Variants in RERE observed in about 807,000 individuals in gnomAD.
RERE encodes the protein arginine-glutamic acid dipeptide repeats protein.
Under a neutral mutation model 146.1 loss-of-function variants are expected in RERE, and 40 were observed. The ratio of observed to expected loss-of-function variants is 0.27; its 90% confidence interval spans 0.21 to 0.36. The LOEUF (loss-of-function observed/expected upper bound fraction) is 0.36, where lower values mean the gene tolerates loss of function less well. Among genes scored for constraint, RERE ranks in the 10% least tolerant of loss-of-function variants. The pLI is 1.00. For missense variants in RERE, 1,933 were observed against 2,138.7 expected, an observed-to-expected ratio of 0.90 and a Z score of 1.90; for synonymous variants, 1,003 against 866.0, an observed-to-expected ratio of 1.16 and a Z score of -2.78.
At chr1:8,636,191 T>C (rs1318547672) in intron 2 of RERE, among the ~76,000 whole-genome samples, 1 of 152,220 alleles carries the variant, frequency 6.6e-6, no homozygotes, top group Non-Finnish European at 1.5e-5. Flanking sequence ...TTTCACCTTG[T>C]TGGTCAGGCA....
chr1:8,517,833 C>G (rs1322913827), intron 7 of RERE, among the ~76,000 whole-genome samples: 1 of 152,106 alleles, frequency 6.6e-6, no homozygotes, highest in Non-Finnish European at 1.5e-5. Context: ...TAACCTGTTA[C>G]CATGGAAACG....
chr1:8,693,290 C>T (rs979326395), intron 1 of RERE, among the ~76,000 whole-genome samples: 1 of 152,200 alleles, frequency 6.6e-6, no homozygotes, highest in East Asian at 1.9e-4. Flanking sequence ...AAAAACTGCA[C>T]ACAGATGCTT....
At chr1:8,644,977 C>T (rs1181265722) in intron 2 of RERE, among the ~76,000 whole-genome samples, 1 of 152,106 alleles carries the variant, frequency 6.6e-6, no homozygotes, top group Non-Finnish European at 1.5e-5. Context: ...TGCAAATGTC[C>T]GTTCATTCTT....
intron 11 of RERE, among the ~76,000 whole-genome samples, chr1:8,426,416 T>C (rs1644013699): frequency 6.8e-6 from 1 of 146,704 alleles, no homozygotes; most frequent in African/African-American, 2.5e-5. Flanking sequence ...ATTGCGCCAC[T>C]GCACTCCAGC....
chr1:8,410,255 C>T (rs1643576661), intron 12 of RERE, among the ~76,000 whole-genome samples: 3 of 152,142 alleles, frequency 2.0e-5, no homozygotes, highest in Admixed American at 6.5e-5. Flanking sequence ...TTGCCACTTT[C>T]TCCTCTTTGT....
chr1:8,574,414 G>A (rs1380146671), intron 4 of RERE, among the ~76,000 whole-genome samples: 4 of 132,352 alleles, frequency 3.0e-5, no homozygotes, highest in East Asian at 2.3e-4. Flanking sequence ...GCACGATCTC[G>A]GCTCACTGCA....
chr1:8,373,688 G>A (rs1024691633), intron 12 of RERE, among the ~76,000 whole-genome samples: 1 of 152,160 alleles, frequency 6.6e-6, no homozygotes, highest in East Asian at 1.9e-4. Flanking sequence ...CAACGCTGCT[G>A]CCGAGTGCAG....
intron 2 of RERE, among the ~76,000 whole-genome samples, chr1:8,640,559 G>A (rs138553803): frequency 9.2e-5 from 14 of 152,342 alleles, no homozygotes; most frequent in South Asian, 2.1e-4. Context: ...TTAAATGAGT[G>A]AACAGTGGTG....
intron 10 of RERE, 35 bp from the exon 11 acceptor site, chr1:8,466,058 C>A: frequency 1.3e-6 from 2 of 1,540,528 alleles, no homozygotes; most frequent in East Asian, 2.3e-5. Flanking sequence ...GCTAACTGCA[C>A]CAAATAACAG....
chr1:8,501,191 C>G (rs868840216), intron 8 of RERE, among the ~76,000 whole-genome samples: 1 of 148,272 alleles, frequency 6.7e-6, no homozygotes, highest in South Asian at 2.1e-4. Context: ...CCAGCCGCCC[C>G]GTCCGGGAGG....
In RERE at chr1:8,360,887, G is replaced by A. The variant is rs1286605939; in HGVS notation, c.2620C>T (p.Leu874Phe). 9 of 1,515,346 alleles carry A rather than the reference G, an allele frequency of 5.9e-6. No homozygotes were observed. In the East Asian group the frequency reaches 2.0e-4, roughly 33 times the overall value. The allele number at this position is 1,515,346 out of a possible 1,614,324, so 93.9% of individuals were successfully genotyped here. The change falls in exon 18 of 23, where the codon CTC becomes TTC. Residue 874 changes from leucine (L) to phenylalanine (F), a missense_variant. By Grantham distance (22) the Leu-to-Phe change is conservative. This residue lies in a region of RERE where 1,255 missense variants were observed against 1,153.8 expected (regional missense o/e 1.09). Coordinates refer to ENST00000400908, the MANE Select transcript of RERE (RefSeq NM_001042681.2). ...TGGCCTTGGGAGGCCTGGGGAGGGA[G>A]GCCAAAGGGCTGTGGGGGGCCTGGG... Reference protein sequence around the residue: ...QHPGPPQPFGLPPQASQGQAP... With the variant: ...QHPGPPQPFGFPPQASQGQAP...
chr1:8,504,352 C>G (rs545913287), intron 8 of RERE, among the ~76,000 whole-genome samples: 16 of 152,192 alleles, frequency 1.1e-4, no homozygotes, highest in Admixed American at 7.9e-4. Flanking sequence ...AGGACAAATA[C>G]GAAGGAAGAT....
intron 7 of RERE, among the ~76,000 whole-genome samples, chr1:8,516,014 C>T (rs1645409501): frequency 6.6e-6 from 1 of 151,608 alleles, no homozygotes; most frequent in Non-Finnish European, 1.5e-5. Context: ...GTCAGGAGTT[C>T]CAAAACAGCC....
At chr1:8,735,493 G>A (rs1333545498) in intron 1 of RERE, among the ~76,000 whole-genome samples, 2 of 152,096 alleles carry the variant, frequency 1.3e-5, no homozygotes, top group Non-Finnish European at 2.9e-5. Context: ...TTTACTTCCT[G>A]TATCTTTGAG....
chr1:8,445,329 G>A (rs1485151742), intron 11 of RERE, among the ~76,000 whole-genome samples: 1 of 152,150 alleles, frequency 6.6e-6, no homozygotes, highest in Non-Finnish European at 1.5e-5. Context: ...TTCCACCAAG[G>A]TACAGACTTT....
intron 15 of RERE, 140 bp downstream of exon 15, chr1:8,363,916 G>T: frequency 2.6e-6 from 2 of 764,220 alleles, no homozygotes; most frequent in Non-Finnish European, 4.2e-6. Context: ...GCAAGCTACC[G>T]CCTCGGGCAA....
At chr1:8,784,381 C>T (rs1641223413) in intron 1 of RERE, among the ~76,000 whole-genome samples, 2 of 152,274 alleles carry the variant, frequency 1.3e-5, no homozygotes, top group African/African-American at 4.8e-5. Context: ...CTCTAATATA[C>T]TACATAACAT....
intron 8 of RERE, among the ~76,000 whole-genome samples, chr1:8,501,117 A>G (rs1418750286): frequency 2.3e-5 from 3 of 131,122 alleles, no homozygotes; most frequent in Admixed American, 7.8e-5. Flanking sequence ...CCTACTGGGA[A>G]GTGAGGAGCC....
intron 8 of RERE, among the ~76,000 whole-genome samples, chr1:8,499,039 G>T (rs1036788021): frequency 4.6e-5 from 7 of 152,110 alleles, no homozygotes; most frequent in Non-Finnish European, 7.4e-5. Flanking sequence ...TTAAATACCT[G>T]TGGCATTTTC....
Sources: gnomAD v4.1 joint callset for allele counts (sites outside exome capture counted in the v4.1 genomes callset) on GRCh38, gnomAD v4.1.1 for gene constraint, gnomAD v4.1.1 regional missense constraint, MANE v1.5 for transcripts, NCBI Gene and HGNC (gene_info 2026-07-23, HGNC 2026-07-21) for gene names.